Variants in GMDS observed in about 807,000 individuals in gnomAD.
The protein encoded by GMDS is GDP-mannose 4,6 dehydratase.
A neutral mutation model predicts 49.9 loss-of-function variants in GMDS; 20 were observed. That is an observed-to-expected ratio of 0.40 (90% CI 0.28 to 0.58). The LOEUF is 0.58. GMDS is among the 20% of genes least tolerant of loss of function. GMDS has a pLI of 0.42. For missense variants in GMDS, 362 were observed against 481.4 expected, an observed-to-expected ratio of 0.75 and a Z score of 2.32; for synonymous variants, 177 against 178.6, an observed-to-expected ratio of 0.99 and a Z score of 0.07.
intron 7 of GMDS, among the ~76,000 whole-genome samples, chr6:1,910,846 A>G (rs1183478038): frequency 6.6e-6 from 1 of 152,246 alleles, no homozygotes; most frequent in Non-Finnish European, 1.5e-5. Context: ...AATGTGTCAC[A>G]GGAGTTTTTC....
chr6:1,734,492 G>A (rs776174089), intron 8 of GMDS, among the ~76,000 whole-genome samples: 12 of 152,346 alleles, frequency 7.9e-5, no homozygotes, highest in Middle Eastern at 3.4e-3. Flanking sequence ...CAGATGGCAC[G>A]TGGGGAAGGG....
chr6:2,182,401 A>G (rs1778591609), intron 1 of GMDS, among the ~76,000 whole-genome samples: 1 of 152,226 alleles, frequency 6.6e-6, no homozygotes, highest in Non-Finnish European at 1.5e-5. Context: ...ACAGATTCTC[A>G]ATGTAGACAA....
At chr6:1,977,520 G>T (rs761882814) in intron 4 of GMDS, among the ~76,000 whole-genome samples, 2 of 152,176 alleles carry the variant, frequency 1.3e-5, no homozygotes, top group Non-Finnish European at 2.9e-5. Context: ...TCATGGAGAG[G>T]AGTGAAAGGG....
At chr6:1,975,037 C>CA (rs66488709) in intron 4 of GMDS, among the ~76,000 whole-genome samples, 93,005 of 145,722 alleles carry the variant, frequency 0.64, 29,472 homozygotes, top group African/African-American at 0.68. Context: ...GACTCTGTCT[C>CA]AAAAAAAAAA....
At chr6:1,797,042 A>C (rs1255162474) in intron 7 of GMDS, among the ~76,000 whole-genome samples, 1 of 152,234 alleles carries the variant, frequency 6.6e-6, no homozygotes, top group South Asian at 2.1e-4. Context: ...GACCAGTACC[A>C]GTATATGGCC....
intron 6 of GMDS, among the ~76,000 whole-genome samples, chr6:1,956,713 A>G (rs1004734795): frequency 1.3e-5 from 2 of 152,232 alleles, no homozygotes; most frequent in Non-Finnish European, 2.9e-5. Context: ...CACTTAAAGT[A>G]CCACAGGAAA....
At chr6:2,217,006 A>C (rs1231730513) in intron 1 of GMDS, among the ~76,000 whole-genome samples, 1 of 150,394 alleles carries the variant, frequency 6.6e-6, no homozygotes, top group Non-Finnish European at 1.5e-5. Flanking sequence ...CGCACATCAG[A>C]CCTCCCTGCC....
intron 7 of GMDS, among the ~76,000 whole-genome samples, chr6:1,913,298 G>C (rs562861347): frequency 2.0e-5 from 3 of 149,934 alleles, no homozygotes; most frequent in African/African-American, 7.4e-5. Flanking sequence ...GGAGAATGGC[G>C]TGAACCCGGG....
chr6:2,179,416 G>A (rs1162017777), intron 1 of GMDS, among the ~76,000 whole-genome samples: 1 of 152,162 alleles, frequency 6.6e-6, no homozygotes, highest in African/African-American at 2.4e-5. Flanking sequence ...GTAGTATTAA[G>A]AGGAAACACC....
In GMDS at chr6:2,104,994, A is replaced by G. The variant is rs1581656191; in HGVS notation, c.345+10777T>C. 3.3e-5 allele frequency among the ~76,000 whole-genome samples: 5 copies of G among 152,134 alleles called. No homozygotes were observed. The East Asian group carries it at 9.7e-4, about 29-fold the overall frequency. ...TCAGGAGATCGAGACCATCCTGGCT[A>G]ACATGGTGAAACCCCGTCTCTACCA... On this transcript the variant is annotated intron_variant, in intron 4 of 10. Transcript: ENST00000380815.
intron 1 of GMDS, among the ~76,000 whole-genome samples, chr6:2,198,813 C>T (rs1484580454): frequency 1.3e-5 from 2 of 152,146 alleles, no homozygotes; most frequent in Admixed American, 6.5e-5. Flanking sequence ...AATTGTGGAT[C>T]CTAAACCAGA....
rs1581364105 is a variant in GMDS, at chr6:1,920,865, A to C, written c.771+9238T>G. ...TGGTAAGTGTGAAAGTGAATAGCTA[A>C]CCTAAGTGTGAACAGTTCTTTAGTG... On this transcript the variant is annotated intron_variant, in intron 7 of 10. Transcript: ENST00000380815. Among the ~76,000 whole-genome samples, 4 of 152,216 alleles carry C rather than the reference A, an allele frequency of 2.6e-5. No individual in the cohort carries two copies. In the East Asian group the frequency reaches 5.8e-4, roughly 22 times the overall value.
chr6:1,934,673 G>C (rs1456577501), intron 6 of GMDS, among the ~76,000 whole-genome samples: 1 of 152,046 alleles, frequency 6.6e-6, no homozygotes, highest in Admixed American at 6.5e-5. Flanking sequence ...TCAAGAAAAA[G>C]TTTTGGATTA....
At chr6:1,758,080 C>T (rs1040531) in intron 7 of GMDS, among the ~76,000 whole-genome samples, 143,614 of 152,336 alleles carry the variant, frequency 0.94, 67,752 homozygotes, top group East Asian at 1. Flanking sequence ...CGCTGGGCTG[C>T]GTGGGGCTAC....
chr6:1,945,523 T>C (rs12206345), intron 6 of GMDS, among the ~76,000 whole-genome samples: 4,109 of 152,158 alleles, frequency 0.027, 199 homozygotes, highest in East Asian at 0.2. Context: ...TTTCTTGTGG[T>C]TGGTTATAGT....
intron 1 of GMDS, among the ~76,000 whole-genome samples, chr6:2,202,295 A>G (rs1441599737): frequency 1.3e-5 from 2 of 149,574 alleles, no homozygotes; most frequent in African/African-American, 2.5e-5. Context: ...TGAGGGCAGC[A>G]TGTTAGCAGA....
chr6:1,647,453 T>C (rs1410012281), intron 9 of GMDS, among the ~76,000 whole-genome samples: 3 of 152,168 alleles, frequency 2.0e-5, no homozygotes, highest in Non-Finnish European at 2.9e-5. Flanking sequence ...TGGAAGCTGA[T>C]ACCTGGGATA....
intron 4 of GMDS, among the ~76,000 whole-genome samples, chr6:2,066,960 C>T (rs1181058161): frequency 1.3e-5 from 2 of 151,952 alleles, no homozygotes; most frequent in South Asian, 2.1e-4. Flanking sequence ...ACAGAATATA[C>T]ATTTTTTTCA....
intron 4 of GMDS, among the ~76,000 whole-genome samples, chr6:2,003,801 T>A (rs1020377659): frequency 6.6e-6 from 1 of 152,176 alleles, no homozygotes; most frequent in African/African-American, 2.4e-5. Flanking sequence ...TGCCCTGAGC[T>A]AGGGTCAGGG....
Sources: allele counts gnomAD v4.1 joint callset (sites outside exome capture counted in the v4.1 genomes callset), GRCh38; gene constraint gnomAD v4.1.1; transcripts MANE v1.5; gene names NCBI Gene and HGNC (gene_info 2026-07-23, HGNC 2026-07-21).